The following COL24A1 variants were observed in gnomAD, a reference collection of about 807,000 sequenced individuals.
COL24A1 encodes the protein collagen alpha-1(XXIV) chain.
COL24A1 carries 224 observed loss-of-function variants against 253.9 expected under a neutral mutation model. The ratio of observed to expected loss-of-function variants is 0.88; its 90% confidence interval spans 0.79 to 0.99. The LOEUF (loss-of-function observed/expected upper bound fraction) is 0.99, where lower values mean the gene tolerates loss of function less well. COL24A1 is among the 50% of genes least tolerant of loss of function. The pLI is 0.00. For missense variants in COL24A1, 2,131 were observed against 2,068.5 expected (o/e 1.03, Z -0.59); for synonymous variants, 685 against 673.7 (o/e 1.02, Z -0.26).
At chr1:86,079,194 G>A (rs1490447022) in intron 7 of COL24A1, among the ~76,000 whole-genome samples, 1 of 152,018 alleles carries the variant, frequency 6.6e-6, no homozygotes, top group Non-Finnish European at 1.5e-5. Flanking sequence ...GCCAAGAACA[G>A]ACATTGAGGA....
intron 20 of COL24A1, among the ~76,000 whole-genome samples, chr1:85,976,565 A>G (rs1340929905): frequency 6.6e-6 from 1 of 152,110 alleles, no homozygotes; most frequent in Non-Finnish European, 1.5e-5. Flanking sequence ...GTAGCCAATC[A>G]CAAAAGACAT....
rs550444925 is a variant in COL24A1, at chr1:85,945,875, G to A, written c.2562+15374C>T. Among the ~76,000 whole-genome samples, 29 of 152,106 alleles carry A rather than the reference G, an allele frequency of 1.9e-4. No homozygotes were observed. The South Asian group carries it at 5.6e-3, about 30-fold the overall frequency. On this transcript the variant is annotated intron_variant, in intron 24 of 59. Coordinates refer to ENST00000370571, the MANE Select transcript of COL24A1 (RefSeq NM_152890.7). ...GATACGATATAATTCCTCAAATAAT[G>A]TCTCCTATGAACATTTCATCTGCAC...
At chr1:86,101,387 T>A (rs1276709667) in intron 5 of COL24A1, among the ~76,000 whole-genome samples, 2 of 152,174 alleles carry the variant, frequency 1.3e-5, no homozygotes, top group Non-Finnish European at 2.9e-5. Context: ...TTCTTTCTCT[T>A]GCCTATTTTG....
At chr1:86,092,868 G>A (rs897700353) in intron 5 of COL24A1, among the ~76,000 whole-genome samples, 5 of 151,912 alleles carry the variant, frequency 3.3e-5, no homozygotes, top group Admixed American at 1.3e-4. Flanking sequence ...GTTTCACAGT[G>A]TGGGGATCTT....
chr1:86,077,636 C>T (rs1229424260), intron 7 of COL24A1, among the ~76,000 whole-genome samples: 2 of 152,186 alleles, frequency 1.3e-5, no homozygotes, highest in African/African-American at 2.4e-5. Context: ...GGCACATATA[C>T]ACCATGGAAT....
chr1:85,975,642 T>C (rs1692598564), intron 20 of COL24A1, among the ~76,000 whole-genome samples: 1 of 152,132 alleles, frequency 6.6e-6, no homozygotes, highest in South Asian at 2.1e-4. Flanking sequence ...GGGCTTCCAC[T>C]TGGACAGAAC....
At chr1:85,882,447 G>A (rs1055201343) in intron 32 of COL24A1, among the ~76,000 whole-genome samples, 14 of 152,222 alleles carry the variant, frequency 9.2e-5, no homozygotes, top group African/African-American at 3.1e-4. Flanking sequence ...CTGGGCGACA[G>A]AGCAAGACTC....
intron 57 of COL24A1, among the ~76,000 whole-genome samples, chr1:85,737,806 T>C (rs746685345): frequency 6.6e-6 from 1 of 151,756 alleles, no homozygotes; most frequent in Non-Finnish European, 1.5e-5. Flanking sequence ...TCAAGTGATC[T>C]GCCCACCTCC....
intron 47 of COL24A1, among the ~76,000 whole-genome samples, chr1:85,811,062 C>T (rs1216890195): frequency 1.3e-5 from 2 of 152,138 alleles, no homozygotes; most frequent in South Asian, 2.1e-4. Context: ...CATCCTTTTG[C>T]GTCTGGTTTG....
intron 35 of COL24A1, among the ~76,000 whole-genome samples, chr1:85,872,313 A>C (rs188153229): frequency 2.6e-5 from 4 of 152,208 alleles, no homozygotes; most frequent in African/African-American, 9.6e-5. Context: ...CAAGCTACCA[A>C]TGACTTTCTT....
At chr1:85,757,955 A>T (rs1293784141) in intron 55 of COL24A1, among the ~76,000 whole-genome samples, 1 of 152,192 alleles carries the variant, frequency 6.6e-6, no homozygotes, top group African/African-American at 2.4e-5. Flanking sequence ...TTACAAAAAC[A>T]TGCATGTAAA....
intron 7 of COL24A1, among the ~76,000 whole-genome samples, chr1:86,075,128 AATAG>A (rs1317121404): frequency 6.6e-6 from 1 of 152,160 alleles, no homozygotes; most frequent in Non-Finnish European, 1.5e-5. Context: ...AGATCAACAA[AATAG>A]ATAGACCACT....
chr1:86,031,857 A>G (rs749349046), intron 14 of COL24A1, 21 bp downstream of exon 14: 3 of 1,580,592 alleles, frequency 1.9e-6, no homozygotes, highest in East Asian at 4.5e-5. Flanking sequence ...CTTAAGAATG[A>G]TGATATTTAG....
chr1:86,015,438 T>C (rs111776471), intron 19 of COL24A1, among the ~76,000 whole-genome samples: 1 of 152,134 alleles, frequency 6.6e-6, no homozygotes, highest in Non-Finnish European at 1.5e-5. Context: ...AATAAACATC[T>C]TTAGAAGACC....
At chr1:85,997,053 G>GTATATATATATATATATATATATATATA (rs1459075915) in intron 19 of COL24A1, among the ~76,000 whole-genome samples, 1 of 64,710 alleles carries the variant, frequency 1.5e-5, no homozygotes, top group African/African-American at 4.8e-5. Context: ...GTGTGTGTGT[G>GTATATATATATATATATATATATATATA]TGTATATATA....
At chr1:85,999,298 A>G (rs11161717) in intron 19 of COL24A1, among the ~76,000 whole-genome samples, 60,390 of 151,862 alleles carry the variant, frequency 0.4, 12,413 homozygotes, top group East Asian at 0.58. Flanking sequence ...AATCTGGTGA[A>G]CAGTTTCAGG....
chr1:85,735,918 A>C lies in COL24A1; in HGVS notation c.4783-954T>G, dbSNP rs1034223053. Among the ~76,000 whole-genome samples, 3 of 152,154 alleles carry C rather than the reference A, an allele frequency of 2.0e-5. 1 individual carries two copies. Among genetic ancestry groups the C allele is most frequent in the African/African-American group, 7.2e-5 (3 of 41,442 alleles). Reference sequence around the variant, plus strand: ...CAATAACAACAAAAAGAAAAACAGAAAGAAAAAACAAAATGAGAGGAAAGG... The same window carrying C: ...CAATAACAACAAAAAGAAAAACAGACAGAAAAAACAAAATGAGAGGAAAGG... On this transcript the variant is annotated intron_variant, in intron 58 of 59. Transcript: ENST00000370571.
intron 12 of COL24A1, among the ~76,000 whole-genome samples, chr1:86,041,943 C>T (rs1699523597): frequency 1.3e-5 from 2 of 152,060 alleles, no homozygotes; most frequent in African/African-American, 4.8e-5. Flanking sequence ...TTGAGCTTCT[C>T]TATCTTCAAC....
chr1:85,760,723 C>T (rs918404135), intron 55 of COL24A1, among the ~76,000 whole-genome samples: 3 of 152,056 alleles, frequency 2.0e-5, no homozygotes, highest in African/African-American at 7.2e-5. Flanking sequence ...TGTATTTGAC[C>T]AGGAGGCTGG....
Sources: gnomAD v4.1 joint callset for allele counts (sites outside exome capture counted in the v4.1 genomes callset) on GRCh38, gnomAD v4.1.1 for gene constraint, MANE v1.5 for transcripts, NCBI Gene and HGNC (gene_info 2026-07-23, HGNC 2026-07-21) for gene names.